ADAMTSL1: variants seen among roughly 807,000 people sequenced by gnomAD.
ADAMTSL1 encodes the protein ADAMTS like 1.
A neutral mutation model predicts 201.8 loss-of-function variants in ADAMTSL1; 126 were observed. That is an observed-to-expected ratio of 0.62 (90% CI 0.54 to 0.72). The LOEUF is 0.72. Ranked by LOEUF, ADAMTSL1 falls within the 30% of genes least tolerant of loss-of-function variation. The pLI, the probability that ADAMTSL1 is intolerant of heterozygous loss-of-function variation, is 0.00. For missense variants in ADAMTSL1, 2,679 were observed against 2,277.8 expected, an observed-to-expected ratio of 1.18 and a Z score of -3.59; for synonymous variants, 1,121 against 903.4, an observed-to-expected ratio of 1.24 and a Z score of -4.32.
At chr9:18,262,969 C>T (rs2132541475) in intron 2 of ADAMTSL1, among the ~76,000 whole-genome samples, 1 of 152,256 alleles carries the variant, frequency 6.6e-6, no homozygotes, top group East Asian at 1.9e-4. Flanking sequence ...TTAGTCTGTG[C>T]CAAGATAATT....
intron 1 of ADAMTSL1, among the ~76,000 whole-genome samples, chr9:18,493,000 A>G (rs1473975824): frequency 6.6e-6 from 1 of 152,204 alleles, no homozygotes; most frequent in East Asian, 1.9e-4. Flanking sequence ...AACAGTAAAC[A>G]TCCATTGAAC....
intron 1 of ADAMTSL1, among the ~76,000 whole-genome samples, chr9:18,478,744 G>C (rs762535887): frequency 5.9e-5 from 9 of 152,284 alleles, no homozygotes; most frequent in Admixed American, 3.9e-4. Flanking sequence ...TCTTGAGTGA[G>C]AGCATTCCTT....
chr9:18,280,949 C>T lies in ADAMTSL1; in HGVS notation c.207+116968C>T, dbSNP rs1041883780. Among the ~76,000 whole-genome samples the T allele has an allele frequency of 3.4e-5, 5 of 148,518 alleles. No individual in the cohort carries two copies. The East Asian group carries it at 1.0e-3, about 30-fold the overall frequency. On this transcript the variant is annotated intron_variant, in intron 2 of 29. Transcript: ENST00000680146. ...GAAGTGCGGTGGCATGATCATAGCT[C>T]ACTGTAGCCTTGAACTCCTAGATTC...
At chr9:18,582,893 T>TA (rs1398672012) in intron 4 of ADAMTSL1, among the ~76,000 whole-genome samples, 2 of 149,602 alleles carry the variant, frequency 1.3e-5, no homozygotes, top group Non-Finnish European at 3.0e-5. Flanking sequence ...AAAATAAAAA[T>TA]AAAATAAAAT....
chr9:18,065,983 C>T (rs144900531), intron 1 of ADAMTSL1, among the ~76,000 whole-genome samples: 17 of 60,280 alleles, frequency 2.8e-4, no homozygotes, highest in African/African-American at 1.3e-3. Context: ...GAGACTCCAT[C>T]TCAAAAAAAA....
chr9:18,898,615 C>G (rs1382614129), intron 26 of ADAMTSL1, among the ~76,000 whole-genome samples: 1 of 152,180 alleles, frequency 6.6e-6, no homozygotes, highest in East Asian at 1.9e-4. Context: ...AAAAGCTTAT[C>G]CACCATGATC....
chr9:18,015,166 A>G (rs1415905111), intron 1 of ADAMTSL1, among the ~76,000 whole-genome samples: 2 of 152,054 alleles, frequency 1.3e-5, no homozygotes, highest in Admixed American at 1.3e-4. Context: ...GAAAGGAAGC[A>G]GCATGCTCTG....
At chr9:18,041,040 G>A (rs1220014802) in intron 1 of ADAMTSL1, among the ~76,000 whole-genome samples, 2 of 152,148 alleles carry the variant, frequency 1.3e-5, no homozygotes, top group African/African-American at 4.8e-5. Flanking sequence ...CATCCACTAG[G>A]GGGGCAATAG....
chr9:18,265,354 C>T (rs1378148332), intron 2 of ADAMTSL1, among the ~76,000 whole-genome samples: 1 of 152,166 alleles, frequency 6.6e-6, no homozygotes, highest in Non-Finnish European at 1.5e-5. Flanking sequence ...TCACCCCACC[C>T]ATAGCCAGTG....
At chr9:18,181,181 C>T (rs910690360) in intron 2 of ADAMTSL1, among the ~76,000 whole-genome samples, 1 of 152,174 alleles carries the variant, frequency 6.6e-6, no homozygotes, top group African/African-American at 2.4e-5. Flanking sequence ...ACCATAAAAG[C>T]CCTAGAAGAA....
At chr9:18,715,885 T>A (rs201707927) in intron 14 of ADAMTSL1, among the ~76,000 whole-genome samples, 38,997 of 149,378 alleles carry the variant, frequency 0.26, 5,582 homozygotes, top group Non-Finnish European at 0.32. Flanking sequence ...GTACCAAAAC[T>A]GAGATATAGA....
chr9:18,129,114 G>A (rs182286557), intron 1 of ADAMTSL1, among the ~76,000 whole-genome samples: 212 of 152,224 alleles, frequency 1.4e-3, no homozygotes, highest in South Asian at 1.9e-3. Flanking sequence ...GTCTAGTGAA[G>A]AATAAACTCT....
chr9:18,527,886 C>G (rs560509299), intron 2 of ADAMTSL1, among the ~76,000 whole-genome samples: 7 of 152,042 alleles, frequency 4.6e-5, no homozygotes, highest in Middle Eastern at 3.4e-3. Context: ...GTATTCCACC[C>G]GCCCCCCTCA....
chr9:18,098,331 T>G (rs1002717423), intron 1 of ADAMTSL1, among the ~76,000 whole-genome samples: 3 of 152,172 alleles, frequency 2.0e-5, no homozygotes, highest in Admixed American at 6.6e-5. Flanking sequence ...GTTTATTCAT[T>G]TATAAAAAGG....
At chr9:18,898,639 C>T (rs1406262705) in intron 26 of ADAMTSL1, among the ~76,000 whole-genome samples, 2 of 152,164 alleles carry the variant, frequency 1.3e-5, no homozygotes, top group Admixed American at 1.3e-4. Flanking sequence ...TTGGCTTCAT[C>T]CCTGGGATAT....
chr9:18,219,826 G>A (rs1401551782), intron 2 of ADAMTSL1, among the ~76,000 whole-genome samples: 1 of 151,648 alleles, frequency 6.6e-6, no homozygotes, highest in Non-Finnish European at 1.5e-5. Context: ...CTGATGATAG[G>A]GATACAACTG....
chr9:18,221,057 G>A (rs770420334), intron 2 of ADAMTSL1, among the ~76,000 whole-genome samples: 2 of 152,104 alleles, frequency 1.3e-5, no homozygotes, highest in Non-Finnish European at 2.9e-5. Flanking sequence ...TTACAGACAT[G>A]AGTCGCCATG....
chr9:18,542,018 A>T (rs1271921992), intron 3 of ADAMTSL1, among the ~76,000 whole-genome samples: 1 of 152,212 alleles, frequency 6.6e-6, no homozygotes, highest in Non-Finnish European at 1.5e-5. Context: ...GTTGTGTGGC[A>T]CCATCCCAAG....
At chr9:18,215,483 G>C (rs1257069990) in intron 2 of ADAMTSL1, among the ~76,000 whole-genome samples, 3 of 151,942 alleles carry the variant, frequency 2.0e-5, no homozygotes, top group Non-Finnish European at 4.4e-5. Flanking sequence ...TACATTACTG[G>C]CCTGTCAAAA....
Sources: allele counts gnomAD v4.1 joint callset (sites outside exome capture counted in the v4.1 genomes callset), GRCh38; gene constraint gnomAD v4.1.1; transcripts MANE v1.5; gene names NCBI Gene and HGNC (gene_info 2026-07-23, HGNC 2026-07-21).